REPS2: variants seen among roughly 807,000 people sequenced by gnomAD.
REPS2 encodes RALBP1 associated Eps domain containing 2.
A neutral mutation model predicts 53.6 loss-of-function variants in REPS2; 23 were observed. The ratio of observed to expected loss-of-function variants is 0.43; its 90% CI spans 0.31 to 0.61. The LOEUF (loss-of-function observed/expected upper bound fraction) is 0.61, where lower values mean the gene tolerates loss of function less well. Ranked by LOEUF, REPS2 falls within the 20% of genes least tolerant of loss-of-function variation. REPS2 has a pLI of 0.11. For missense variants in REPS2, 446 were observed against 534.9 expected (o/e 0.83, Z 1.64); for synonymous variants, 238 against 218.6 (o/e 1.09, Z -0.78).
the REPS2 span, among the ~76,000 whole-genome samples, chrX:17,180,853 C>T: frequency 9.0e-6 from 1 of 111,518 alleles, no homozygotes; most frequent in Non-Finnish European, 1.9e-5. Context: ...TATCACATCT[C>T]AATGTCAAAA....
rs755798856 is a variant in REPS2 at position 17,135,282 on chromosome X, C to T, written c.1684C>T (p.Pro562Ser). 1.7e-6 allele frequency: 2 copies of T among 1,210,415 alleles called. No homozygotes were observed. The change falls in exon 16 of 18, where the codon CCA becomes TCA. Residue 562 changes from proline to serine, a missense_variant. Pro to Ser is a moderately conservative substitution (Grantham distance 74). Transcript: ENST00000357277. ...AKKDVLYSQP[P>S]SKPIRRKFRP... ...ACAGGATGTACTGTATTCTCAGCCA[C>T]CATCAAAGCCCATTCGTAGGAAATT... is the stretch of plus-strand genomic sequence containing the variant.
chrX:17,023,683 T>A (rs564719843), intron 3 of REPS2, among the ~76,000 whole-genome samples: 2 of 111,210 alleles, frequency 1.8e-5, no homozygotes, highest in African/African-American at 6.5e-5. Context: ...GGAAGAGGTA[T>A]AGGAATTTTC....
intron 14 of REPS2, among the ~76,000 whole-genome samples, chrX:17,120,736 C>T (rs888668894): frequency 4.5e-5 from 5 of 111,811 alleles, no homozygotes; most frequent in African/African-American, 1.6e-4. Context: ...GTCTCTCTGC[C>T]TATGTCAGGG....
chrX:17,193,001 A>G, the REPS2 span, among the ~76,000 whole-genome samples: 9 of 112,664 alleles, frequency 8.0e-5, no homozygotes, highest in African/African-American at 2.3e-4. Flanking sequence ...TGAATATTCA[A>G]TAATTCTTTA....
chrX:17,089,274 A>T (rs911438665), intron 13 of REPS2, among the ~76,000 whole-genome samples: 1 of 111,493 alleles, frequency 9.0e-6, no homozygotes, highest in Non-Finnish European at 1.9e-5. Flanking sequence ...GACAAATAGT[A>T]TACTGAACAT....
rs1267667052 is a variant in REPS2 at position 17,152,811 on chromosome X, A to G, written c.*5330A>G. 4 of 112,753 alleles carry G rather than the reference A, an allele frequency of 3.5e-5. No homozygotes were observed. Among genetic ancestry groups the G allele is most frequent in the Non-Finnish European group, 1.9e-5 (1 of 53,300 alleles). 9.3% of individuals were successfully genotyped at this position (112,753 alleles called of 1,213,427 possible). The stretch of plus-strand genomic sequence containing the variant: ...TAGCACTGCTATCCTTTTTGTCTTC[A>G]GCACAAATAAGATGTTCAAGTGAGC... On this transcript the variant is annotated 3_prime_UTR_variant, in exon 18 of 18. Coordinates refer to ENST00000357277, the MANE Select transcript of REPS2 (RefSeq NM_004726.3).
chrX:17,043,908 G>A (rs980071970), intron 5 of REPS2, among the ~76,000 whole-genome samples: 7 of 112,289 alleles, frequency 6.2e-5, no homozygotes, highest in Non-Finnish European at 1.3e-4. Context: ...TTGAGCAGGG[G>A]AAGAGTGTTC....
At chrX:17,044,621 T>C (rs1042481447) in intron 5 of REPS2, 4 of 111,861 alleles carry the variant, frequency 3.6e-5, no homozygotes, top group African/African-American at 1.3e-4. Flanking sequence ...CGTTGGCTCA[T>C]AGGTGTCTGT....
At chrX:17,146,372 A>G (rs1279087660) in intron 17 of REPS2, among the ~76,000 whole-genome samples, 2 of 110,367 alleles carry the variant, frequency 1.8e-5, no homozygotes, top group Non-Finnish European at 3.8e-5. Context: ...ATATCTTCAT[A>G]TGGCTCACTC....
chrX:17,014,710 G>A (rs934481685), intron 2 of REPS2, among the ~76,000 whole-genome samples: 4 of 112,166 alleles, frequency 3.6e-5, no homozygotes, highest in African/African-American at 1.3e-4. Flanking sequence ...GGAGAGAAGG[G>A]AGCCAGCAGT....
At chrX:16,992,459 C>T (rs2061175920) in intron 1 of REPS2, among the ~76,000 whole-genome samples, 1 of 112,262 alleles carries the variant, frequency 8.9e-6, no homozygotes, top group Non-Finnish European at 1.9e-5. Context: ...TCAGAGGCTT[C>T]TTAATCTGAG....
chrX:17,028,183 A>G (rs1362260828), intron 4 of REPS2, among the ~76,000 whole-genome samples: 1 of 111,679 alleles, frequency 9.0e-6, no homozygotes, highest in Non-Finnish European at 1.9e-5. Flanking sequence ...CCCTGGAAGT[A>G]GAAGTAGAAG....
At chrX:16,963,673 A>G (rs1228398191) in intron 1 of REPS2, among the ~76,000 whole-genome samples, 1 of 112,338 alleles carries the variant, frequency 8.9e-6, no homozygotes, top group Non-Finnish European at 1.9e-5. Context: ...TCTCACTGTA[A>G]TAAGTAAACG....
the REPS2 span, among the ~76,000 whole-genome samples, chrX:17,164,365 G>T: frequency 9.0e-6 from 1 of 111,692 alleles, no homozygotes; most frequent in South Asian, 3.7e-4. Context: ...TAGATTCAAA[G>T]ACACAAATAA....
At chrX:17,065,013 G>A (rs1050396081) in intron 9 of REPS2, among the ~76,000 whole-genome samples, 3 of 112,270 alleles carry the variant, frequency 2.7e-5, no homozygotes, top group African/African-American at 9.7e-5. Flanking sequence ...GCTACATTTT[G>A]TTTGTCCATT....
chrX:17,029,272 C>T (rs1382269312), intron 4 of REPS2, among the ~76,000 whole-genome samples: 2 of 111,929 alleles, frequency 1.8e-5, no homozygotes, highest in Non-Finnish European at 3.8e-5. Flanking sequence ...CACTGTTCCA[C>T]CTTCACAATT....
At chrX:17,155,376 A>T (rs896244705), downstream of REPS2, among the ~76,000 whole-genome samples, 1 of 111,640 alleles carries the variant, frequency 9.0e-6, no homozygotes, top group South Asian at 3.8e-4. Flanking sequence ...GAGGGCAGCC[A>T]TCATGACCTA....
intron 6 of REPS2, among the ~76,000 whole-genome samples, chrX:17,050,993 G>GC (rs1271230740): frequency 9.1e-5 from 10 of 110,349 alleles, no homozygotes; most frequent in Admixed American, 1.9e-4. Context: ...TCCCCGCCTC[G>GC]CCCCTACTCT....
At chrX:17,019,582 A>T (rs780406766) in intron 2 of REPS2, among the ~76,000 whole-genome samples, 5 of 111,781 alleles carry the variant, frequency 4.5e-5, no homozygotes, top group Non-Finnish European at 9.4e-5. Context: ...CCAGCACTTT[A>T]GGAGGCCAAG....
Sources: allele counts gnomAD v4.1 joint callset (sites outside exome capture counted in the v4.1 genomes callset), GRCh38; gene constraint gnomAD v4.1.1; transcripts MANE v1.5; gene names NCBI Gene and HGNC (gene_info 2026-07-23, HGNC 2026-07-21).